Variants in GARIN1B observed in about 807,000 individuals in gnomAD.
GARIN1B encodes the protein golgi associated RAB2 interactor 1B.
chr7:128,716,668 T>A, the GARIN1B span: 3 of 589,168 alleles, frequency 5.1e-6, no homozygotes, highest in African/African-American at 5.7e-5. Flanking sequence ...TACTAAGCAT[T>A]CTTTAGTGTG....
At chr7:128,711,172 G>A in the GARIN1B span, among the ~76,000 whole-genome samples, 1 of 152,090 alleles carries the variant, frequency 6.6e-6, no homozygotes, top group African/African-American at 2.4e-5. Flanking sequence ...CTTTGGGAGA[G>A]AAGAGTAGCA....
At chr7:128,709,128 GA>G in the GARIN1B span, 1 of 152,290 alleles carries the variant, frequency 6.6e-6, no homozygotes, top group Non-Finnish European at 1.5e-5. Context: ...GCCACCTGAG[GA>G]CCCAGAGCTC....
the GARIN1B span, among the ~76,000 whole-genome samples, chr7:128,717,309 C>G: frequency 6.6e-6 from 1 of 152,268 alleles, no homozygotes; most frequent in African/African-American, 2.4e-5. Context: ...GGCAGTGAGT[C>G]TGGCAGATGG....
chr7:128,730,347 A>T, the GARIN1B span, among the ~76,000 whole-genome samples: 14 of 151,326 alleles, frequency 9.3e-5, no homozygotes, highest in South Asian at 1.5e-3. Context: ...TCCTCTGCAG[A>T]CTCCCCATGT....
chr7:128,719,228 A>C, the GARIN1B span: 13 of 591,644 alleles, frequency 2.2e-5, no homozygotes, highest in East Asian at 3.5e-4. Flanking sequence ...TTAGAACAAT[A>C]AAATCCACCA....
At chr7:128,713,200 G>A in the GARIN1B span, among the ~76,000 whole-genome samples, 35 of 152,100 alleles carry the variant, frequency 2.3e-4, no homozygotes, top group African/African-American at 7.5e-4. Flanking sequence ...CCAGTTACTC[G>A]GGAGGCTGAG....
At chr7:128,726,990 C>G in the GARIN1B span, 7 of 862,920 alleles carry the variant, frequency 8.1e-6, 1 homozygote, top group Non-Finnish European at 1.3e-5. Context: ...CATTGTCCTT[C>G]CATGCCTTAG....
chr7:128,718,911 A>G, the GARIN1B span: 1 of 1,614,150 alleles, frequency 6.2e-7, no homozygotes, highest in Non-Finnish European at 8.5e-7. Flanking sequence ...GTCACTGAGA[A>G]GATTTATTAC....
At chr7:128,725,042 G>C in the GARIN1B span, 1 of 303,326 alleles carries the variant, frequency 3.3e-6, no homozygotes, top group African/African-American at 2.2e-5. Flanking sequence ...CAAGCACTTA[G>C]AATGCTACTC....
the GARIN1B span, chr7:128,724,715 A>G: frequency 2.3e-6 from 3 of 1,288,398 alleles, no homozygotes; most frequent in Admixed American, 4.6e-5. Context: ...AAATTAGCAA[A>G]TGTCACCAGG....
chr7:128,714,198 A>T, the GARIN1B span: 1 of 1,442,688 alleles, frequency 6.9e-7, no homozygotes, highest in South Asian at 1.2e-5. Flanking sequence ...GTCAGCCTCC[A>T]TGCTTGTCCT....
At chr7:128,709,687 A>G in the GARIN1B span, among the ~76,000 whole-genome samples, 4 of 146,678 alleles carry the variant, frequency 2.7e-5, no homozygotes, top group African/African-American at 7.6e-5. Flanking sequence ...TTGTTTTAAT[A>G]TGGGGTTTTC....
At chr7:128,715,536 C>T in the GARIN1B span, 5 of 1,614,122 alleles carry the variant, frequency 3.1e-6, no homozygotes, top group African/African-American at 1.3e-5. Flanking sequence ...TCCCTGAATG[C>T]CTGGGAAGAA....
At chr7:128,718,916 T>C in the GARIN1B span, 45 of 1,614,088 alleles carry the variant, frequency 2.8e-5, no homozygotes, top group Non-Finnish European at 3.5e-5. Flanking sequence ...TGAGAAGATT[T>C]ATTACCTAAA....
At chr7:128,726,670 T>C in the GARIN1B span, 1 of 218,500 alleles carries the variant, frequency 4.6e-6, no homozygotes, top group Non-Finnish European at 7.5e-6. Flanking sequence ...TTAATATGCG[T>C]CACACCCATC....
At chr7:128,712,648 G>A in the GARIN1B span, among the ~76,000 whole-genome samples, 1 of 152,180 alleles carries the variant, frequency 6.6e-6, no homozygotes, top group Non-Finnish European at 1.5e-5. Context: ...TCAAACCAAA[G>A]GACAGTCAGC....
At chr7:128,724,857 G>A in the GARIN1B span, 3 of 1,289,286 alleles carry the variant, frequency 2.3e-6, no homozygotes, top group South Asian at 1.2e-5. Context: ...ACAGCTTGGA[G>A]GAGGCAAGCG....
the GARIN1B span, among the ~76,000 whole-genome samples, chr7:128,713,253 G>A: frequency 6.6e-6 from 1 of 152,288 alleles, no homozygotes; most frequent in African/African-American, 2.4e-5. Context: ...GTTGCAGTGA[G>A]CCAAGACTGT....
At chr7:128,715,342 G>A in the GARIN1B span, 3 of 1,534,070 alleles carry the variant, frequency 2.0e-6, no homozygotes, top group Admixed American at 2.0e-5. Flanking sequence ...ATCATTGTGA[G>A]CTGACTGGTG....
Sources: allele counts gnomAD v4.1 joint callset (sites outside exome capture counted in the v4.1 genomes callset), GRCh38; gene constraint gnomAD v4.1.1; transcripts MANE v1.5; gene names NCBI Gene and HGNC (gene_info 2026-07-23, HGNC 2026-07-21).